HIVEP3: variants seen among roughly 807,000 people sequenced by gnomAD.
The protein encoded by HIVEP3 is HIVEP zinc finger 3.
In HIVEP3, 49 loss-of-function variants were observed where a neutral mutation model predicts 152.8. That is an observed-to-expected ratio of 0.32 (90% CI 0.26 to 0.41). HIVEP3 has a LOEUF of 0.41. HIVEP3 is among the 10% of genes least tolerant of loss of function. The pLI is 1.00. For missense variants in HIVEP3, 2,790 were observed against 3,103.3 expected, an observed-to-expected ratio of 0.90 and a Z score of 2.40; for synonymous variants, 1,269 against 1,289.0, an observed-to-expected ratio of 0.98 and a Z score of 0.33.
intron 1 of HIVEP3, among the ~76,000 whole-genome samples, chr1:42,025,063 C>A (rs1198682952): frequency 2.0e-5 from 3 of 152,144 alleles, no homozygotes; most frequent in Non-Finnish European, 4.4e-5. Context: ...TAAATTTGAT[C>A]AATTCTGGAA....
chr1:41,589,809 T>A (rs1644560379), intron 3 of HIVEP3, among the ~76,000 whole-genome samples: 1 of 152,200 alleles, frequency 6.6e-6, no homozygotes, highest in Non-Finnish European at 1.5e-5. Flanking sequence ...GCTTGTAATT[T>A]ACTTACACAC....
chr1:41,548,784 A>T (rs1429210713), intron 5 of HIVEP3, among the ~76,000 whole-genome samples: 1 of 151,906 alleles, frequency 6.6e-6, no homozygotes, highest in Non-Finnish European at 1.5e-5. Flanking sequence ...GATCCACCCC[A>T]CCTCAGCCTC....
chr1:41,889,183 C>T (rs933213398), intron 1 of HIVEP3, among the ~76,000 whole-genome samples: 4 of 150,268 alleles, frequency 2.7e-5, no homozygotes, highest in African/African-American at 9.8e-5. Flanking sequence ...CACAAACACA[C>T]ATATCTCACA....
At position 41,581,317 on chromosome 1, in the gene HIVEP3, C is replaced by G; in HGVS notation, c.3481G>C (p.Glu1161Gln). 1 of 1,613,508 alleles carries G rather than the reference C, an allele frequency of 6.2e-7. No individual in the cohort carries two copies. The highest frequency in any genetic ancestry group is 8.5e-7 in the Non-Finnish European group (1 of 1,179,788). Residue 1161 changes from glutamate to glutamine, a missense_variant, in exon 4 of 9, where the codon GAA (glutamate) becomes CAA (glutamine). Physicochemically the swap from Glu to Gln is conservative, Grantham distance 29 (BLOSUM62 2). This residue lies in a region of HIVEP3 where 1,078 missense variants were observed against 1,165.3 expected (regional missense o/e 0.93). Transcript: ENST00000372583. This position sits in a 1 kb window ranked among gnomAD's most constrained non-coding sequence, Gnocchi z 4.5. ...LVQHEPGQSP[E>Q]FFSTQAMSSL... The stretch of plus-strand genomic sequence containing the variant: ...GACATGGCCTGGGTGGAGAAGAATT[C>G]TGGAGACTGTCCTGGCTCATGCTGC...
At chr1:41,552,382 A>G (rs1004075287) in intron 5 of HIVEP3, among the ~76,000 whole-genome samples, 6 of 118,290 alleles carry the variant, frequency 5.1e-5, no homozygotes, top group African/African-American at 1.9e-4. Flanking sequence ...CCCACCCCAC[A>G]ACAGTCCCCA....
At chr1:41,655,332 C>T (rs1476015287) in intron 2 of HIVEP3, among the ~76,000 whole-genome samples, 1 of 151,990 alleles carries the variant, frequency 6.6e-6, no homozygotes, top group African/African-American at 2.4e-5. Context: ...CCCATAATCC[C>T]AGCACTTTGG....
chr1:41,567,166 C>CATCT (rs1397658999), intron 5 of HIVEP3, among the ~76,000 whole-genome samples: 2 of 152,188 alleles, frequency 1.3e-5, no homozygotes, highest in Non-Finnish European at 2.9e-5. Context: ...AGGGCACCAC[C>CATCT]ATCTACTCAG....
At chr1:41,875,566 C>T (rs1644155694) in intron 1 of HIVEP3, among the ~76,000 whole-genome samples, 1 of 152,240 alleles carries the variant, frequency 6.6e-6, no homozygotes, top group South Asian at 2.1e-4. Context: ...TCCTTGCTGA[C>T]TTTTGAGAGC....
chr1:41,855,468 T>C (rs1643737773), intron 1 of HIVEP3, among the ~76,000 whole-genome samples: 1 of 152,042 alleles, frequency 6.6e-6, no homozygotes, highest in South Asian at 2.1e-4. Flanking sequence ...AAAGGGCTAA[T>C]ATCCAGAATC....
chr1:41,549,002 T>C (rs1643867535), intron 5 of HIVEP3, among the ~76,000 whole-genome samples: 3 of 152,042 alleles, frequency 2.0e-5, no homozygotes, highest in South Asian at 2.1e-4. Context: ...GGTAATGCTA[T>C]CCCTAATGCT....
At chr1:41,879,952 C>T (rs1457421755) in intron 1 of HIVEP3, among the ~76,000 whole-genome samples, 1 of 152,174 alleles carries the variant, frequency 6.6e-6, no homozygotes, top group East Asian at 1.9e-4. Flanking sequence ...TAGATACTGA[C>T]CATTAAACCT....
chr1:41,582,183 T>C lies in HIVEP3; in HGVS notation c.2615A>G (p.Glu872Gly). 2 of 1,614,024 alleles carry C rather than the reference T, an allele frequency of 1.2e-6. No homozygotes were observed. The highest frequency in any genetic ancestry group is 2.2e-5 in the South Asian group (2 of 91,068). The change falls in exon 4 of 9, where the codon GAG becomes GGG. Residue 872 changes from glutamate to glycine, a missense_variant. Physicochemically the swap from Glu to Gly is moderately conservative, Grantham distance 98. Around this residue, in one of 9 missense-constraint regions of HIVEP3, gnomAD observed 1,078 missense variants for 1,165.3 expected, o/e 0.93. Coordinates refer to ENST00000372583, the MANE Select transcript of HIVEP3 (RefSeq NM_024503.5). The surrounding 1 kb of genome is among the most constrained non-coding windows in gnomAD (Gnocchi z 4.7). ...CTTCTCAGGTTCCTTAGGGGGCGGC[T>C]CTGGCTCTGTGTCCGGCCGGTCAGG... is the stretch of plus-strand genomic sequence containing the variant. ...EEPDRPDTEP[E>G]PPPKEPEKTE...
intron 1 of HIVEP3, among the ~76,000 whole-genome samples, chr1:41,901,565 G>A (rs1487884824): frequency 6.6e-6 from 1 of 152,154 alleles, no homozygotes; most frequent in African/African-American, 2.4e-5. Flanking sequence ...GGAGAGGCTG[G>A]TGCCTCAGAA....
intron 1 of HIVEP3, among the ~76,000 whole-genome samples, chr1:42,002,879 T>A (rs2124524643): frequency 6.6e-6 from 1 of 152,264 alleles, no homozygotes; most frequent in South Asian, 2.1e-4. Flanking sequence ...AATAAAGGGT[T>A]CTGGCATTTT....
In HIVEP3 at chr1:41,511,205, C is replaced by T. The variant is rs566676128; in HGVS notation, c.6467G>A (p.Arg2156Gln). 16 of 1,613,796 alleles carry T rather than the reference C, an allele frequency of 9.9e-6. No homozygotes were observed. The highest frequency in any genetic ancestry group is 4.4e-5 in the South Asian group (4 of 91,060). ...GAAGTCATGGAGGGCGGAGAAGGGT[C>T]GGGAGGAGAGAGGATGAGCAGGGCC... ...SPGPAHPLSS[R>Q]PFSALHDFHG... The change falls in exon 9 of 9, where the codon CGA becomes CAA. Residue 2156 changes from arginine to glutamine, a missense_variant. Arg to Gln is a conservative substitution (Grantham distance 43, BLOSUM62 1). Around this residue, in one of 9 missense-constraint regions of HIVEP3, gnomAD observed 816 missense variants for 806.5 expected, o/e 1.01. Transcript: ENST00000372583. The surrounding 1 kb of genome is among the most constrained non-coding windows in gnomAD (Gnocchi z 4.9).
chr1:41,942,938 C>T (rs1358242523), intron 1 of HIVEP3, among the ~76,000 whole-genome samples: 2 of 151,538 alleles, frequency 1.3e-5, no homozygotes, highest in African/African-American at 4.9e-5. Flanking sequence ...TTCGCTCTGT[C>T]GCCCAGGCTG....
chr1:41,535,731 T>C (rs1280723341), intron 5 of HIVEP3: 3 of 152,126 alleles, frequency 2.0e-5, no homozygotes, highest in African/African-American at 7.2e-5. Context: ...AACAACCCCT[T>C]GATCAGGAGG....
At chr1:41,740,919 G>T (rs1416130712) in intron 1 of HIVEP3, among the ~76,000 whole-genome samples, 1 of 152,204 alleles carries the variant, frequency 6.6e-6, no homozygotes, top group African/African-American at 2.4e-5. Context: ...GCTGGCAGGG[G>T]GTGGGGGCTC....
intron 1 of HIVEP3, among the ~76,000 whole-genome samples, chr1:41,782,675 T>C (rs1219858691): frequency 1.4e-5 from 2 of 142,198 alleles, no homozygotes; most frequent in African/African-American, 5.4e-5. Context: ...GAGATTGCAG[T>C]GAGCTGAGAC....
Sources: allele counts gnomAD v4.1 joint callset (sites outside exome capture counted in the v4.1 genomes callset), GRCh38; gene constraint gnomAD v4.1.1; regional missense constraint gnomAD v4.1.1; non-coding constraint Gnocchi (gnomAD v3.1); transcripts MANE v1.5; gene names NCBI Gene and HGNC (gene_info 2026-07-23, HGNC 2026-07-21).